The following PHACTR2 variants were observed in gnomAD, a reference collection of about 807,000 sequenced individuals.
PHACTR2 encodes phosphatase and actin regulator 2, also known as chromosome 6 open reading frame 56.
A neutral mutation model predicts 76.0 loss-of-function variants in PHACTR2; 30 were observed. The observed-to-expected ratio is 0.39, with a 90% confidence interval of 0.30 to 0.54. PHACTR2 has a LOEUF of 0.54. Ranked by LOEUF, PHACTR2 falls within the 20% of genes least tolerant of loss-of-function variation. The pLI, the probability that PHACTR2 is intolerant of heterozygous loss-of-function variation, is 0.61. For synonymous variants in PHACTR2, 292 were observed against 292.5 expected (o/e 1.00, Z 0.02); for missense variants, 696 against 781.1 (o/e 0.89, Z 1.30).
chr6:143,691,687 C>T (rs1046599340), intron 1 of PHACTR2, among the ~76,000 whole-genome samples: 1 of 152,184 alleles, frequency 6.6e-6, no homozygotes, highest in Non-Finnish European at 1.5e-5. Flanking sequence ...CTGTGAACTT[C>T]ATCTGGGGTT....
In PHACTR2 at chr6:143,647,084, T is replaced by A. The variant is rs1776672585; in HGVS notation, c.13+38762T>A. Among the ~76,000 whole-genome samples, 1 of 152,230 alleles carries A rather than the reference T, an allele frequency of 6.6e-6. No homozygotes were observed. Among genetic ancestry groups the A allele is most frequent in the Non-Finnish European group, 1.5e-5 (1 of 68,030 alleles). On this transcript the variant is annotated intron_variant, in intron 1 of 11. Transcript: ENST00000305766. This position sits in a 1 kb window ranked among gnomAD's most constrained non-coding sequence, Gnocchi z 4.2. Reference sequence around the variant, plus strand: ...GGGTAAAAAGCACAAACCAGAATTATGCTAGATCTCCATTAAGATATAAAA... The same window carrying A: ...GGGTAAAAAGCACAAACCAGAATTAAGCTAGATCTCCATTAAGATATAAAA...
At chr6:143,609,396 G>A (rs958277072) in intron 1 of PHACTR2, among the ~76,000 whole-genome samples, 1 of 144,430 alleles carries the variant, frequency 6.9e-6, no homozygotes, top group Non-Finnish European at 1.6e-5. Flanking sequence ...TTGAAATAAA[G>A]TGGAACAGTA....
chr6:143,674,815 A>G (rs1200116372), upstream of PHACTR2, among the ~76,000 whole-genome samples: 7 of 152,212 alleles, frequency 4.6e-5, no homozygotes, highest in Admixed American at 4.6e-4. This position sits in a 1 kb window ranked among gnomAD's most constrained non-coding sequence, Gnocchi z 4.9. Context: ...AACCTAAGTT[A>G]TAGGATTTGG....
chr6:143,566,149 A>G (rs1775359596), intron 1 of PHACTR2, among the ~76,000 whole-genome samples: 1 of 151,906 alleles, frequency 6.6e-6, no homozygotes, highest in African/African-American at 2.4e-5. Flanking sequence ...TTTTTTGTAG[A>G]GATGGCATCT....
Position 143,825,802 on chromosome 6 carries a change from T to C in PHACTR2, c.*2113T>C, listed in dbSNP as rs903243871. The C allele has an allele frequency of 3.9e-5, 6 of 152,200 alleles. No individual in the cohort carries two copies. The highest frequency in any genetic ancestry group is 1.4e-4 in the African/African-American group (6 of 41,466). The allele number at this position is 152,200 out of a possible 1,614,324, so 9.4% of individuals were successfully genotyped here. On this transcript the variant is annotated 3_prime_UTR_variant, in exon 13 of 13. Coordinates refer to ENST00000440869, the MANE Select transcript of PHACTR2 (RefSeq NM_001100164.2). The surrounding 1 kb of genome is among the most constrained non-coding windows in gnomAD (Gnocchi z 4.1). The stretch of plus-strand genomic sequence containing the variant: ...ATGGTAAATGTAAGACATCACCATT[T>C]TATCACTCAAAGTATGTTATTGAAA...
chr6:143,779,164 G>C (rs1053948895), intron 9 of PHACTR2, among the ~76,000 whole-genome samples: 5 of 152,176 alleles, frequency 3.3e-5, no homozygotes, highest in Admixed American at 6.5e-5. Flanking sequence ...TCCCTGAGCA[G>C]TCACAGGAAA....
rs78913615 is a variant in PHACTR2 at position 143,753,248 on chromosome 6, C to A, written c.296-506C>A. Among the ~76,000 whole-genome samples, 72 of 152,246 alleles carry A rather than the reference C, an allele frequency of 4.7e-4. 1 individual carries two copies. The East Asian group carries it at 0.013, about 29-fold the overall frequency. On this transcript the variant is annotated intron_variant, in intron 3 of 12. Transcript: ENST00000440869. The surrounding 1 kb of genome is among the most constrained non-coding windows in gnomAD (Gnocchi z 4.6). The stretch of plus-strand genomic sequence containing the variant: ...ATATTACTGTGTGAAGTTAGCACAT[C>A]ATATACTTAATATATTCTGGAACCA...
At chr6:143,704,563 C>T (rs891010202) in intron 1 of PHACTR2, among the ~76,000 whole-genome samples, 3 of 152,088 alleles carry the variant, frequency 2.0e-5, no homozygotes, top group South Asian at 2.1e-4. Context: ...GTTTTAGATT[C>T]GCAGAAAAGC....
Position 143,749,023 on chromosome 6 carries a change from G to A in PHACTR2, c.253G>A (p.Glu85Lys), listed in dbSNP as rs367971984. Residue 85 changes from glutamate to lysine, a missense_variant, in exon 3 of 13, where the codon GAG becomes AAG. Coordinates refer to ENST00000440869, the MANE Select transcript of PHACTR2 (RefSeq NM_001100164.2). ...GATATCCACACGACAAAGTAGAGAG[G>A]AGCTGATAAGAAGGGGAGTGCTTAA... Reference protein sequence around the residue: ...RKISTRQSREELIRRGVLKEL... With the variant: ...RKISTRQSREKLIRRGVLKEL... The A allele has an allele frequency of 1.3e-6, 2 of 1,590,498 alleles. No homozygotes were observed. Among genetic ancestry groups the A allele is most frequent in the African/African-American group, 1.3e-5 (1 of 74,442 alleles).
At chr6:143,797,606 G>A (rs143711594) in intron 11 of PHACTR2, among the ~76,000 whole-genome samples, 22 of 152,242 alleles carry the variant, frequency 1.4e-4, no homozygotes, top group African/African-American at 5.1e-4. Context: ...GTAAGGAAGG[G>A]GTCCAGTTCC....
chr6:143,804,715 T>C (rs964736153), intron 11 of PHACTR2, among the ~76,000 whole-genome samples: 5 of 152,252 alleles, frequency 3.3e-5, no homozygotes, highest in Admixed American at 6.5e-5. Context: ...TTTGCCATAC[T>C]CTTAGATCAG....
intron 11 of PHACTR2, among the ~76,000 whole-genome samples, chr6:143,799,442 TGTTCTTGCTTCTCCA>T (rs1364368463): frequency 3.3e-5 from 5 of 152,250 alleles, no homozygotes; most frequent in Non-Finnish European, 7.3e-5. Flanking sequence ...TGAATGTGTT[TGTTCTTGCTTCTCCA>T]GTTCTTTTAA....
rs949212662 is a variant in PHACTR2, at chr6:143,739,163, C to T, written c.215-9822C>T. Among the ~76,000 whole-genome samples, 4 of 152,170 alleles carry T rather than the reference C, an allele frequency of 2.6e-5. No homozygotes were observed. Among genetic ancestry groups the T allele is most frequent in the African/African-American group, 7.2e-5 (3 of 41,440 alleles). ...CACTGCAAGCTCCGCCTCCCGGGTTCACTCCGTTCTCCTGCCTCAGCCTCC... is the reference window on the plus strand; with the variant it reads ...CACTGCAAGCTCCGCCTCCCGGGTTTACTCCGTTCTCCTGCCTCAGCCTCC... On this transcript the variant is annotated intron_variant, in intron 2 of 12. Coordinates refer to ENST00000440869, the MANE Select transcript of PHACTR2 (RefSeq NM_001100164.2). This position sits in a 1 kb window ranked among gnomAD's most constrained non-coding sequence, Gnocchi z 4.3.
At position 143,610,133 on chromosome 6, in the gene PHACTR2, T is replaced by C. The variant is rs144708740; in HGVS notation, c.13+1811T>C. On this transcript the variant is annotated intron_variant, in intron 1 of 11. Transcript: ENST00000305766. The surrounding 1 kb of genome is among the most constrained non-coding windows in gnomAD (Gnocchi z 4.9). ...GCATGTTTCTTATAATGGCTTATAATTGGCTGTCAGTGATCACTTTTCATG... is the reference window on the plus strand; with the variant it reads ...GCATGTTTCTTATAATGGCTTATAACTGGCTGTCAGTGATCACTTTTCATG... Among the ~76,000 whole-genome samples the C allele has an allele frequency of 4.0e-4, 61 of 152,326 alleles. No homozygotes were observed. The East Asian group carries it at 4.0e-3, about 10-fold the overall frequency.
chr6:143,646,899 A>AACATACTTCTGTTATGTTAG lies in PHACTR2; in HGVS notation c.13+38582_13+38583insCTTCTGTTATGTTAGACATA, dbSNP rs1776668238. Among the ~76,000 whole-genome samples the AACATACTTCTGTTATGTTAG allele has an allele frequency of 6.6e-6, 1 of 152,220 alleles. No homozygotes were observed. Among genetic ancestry groups the AACATACTTCTGTTATGTTAG allele is most frequent in the African/African-American group, 2.4e-5 (1 of 41,458 alleles). ...CATCCTTAGTTATGTTTGTTGTTCT[A>AACATACTTCTGTTATGTTAG]ACATAACAGTCTTCTGATCACGATG... is the stretch of plus-strand genomic sequence containing the variant. On this transcript the variant is annotated intron_variant, in intron 1 of 11. Transcript: ENST00000305766. The surrounding 1 kb of genome is among the most constrained non-coding windows in gnomAD (Gnocchi z 4.1).
chr6:143,640,351 C>A (rs1046512309), intron 1 of PHACTR2, among the ~76,000 whole-genome samples: 4 of 152,118 alleles, frequency 2.6e-5, no homozygotes, highest in African/African-American at 9.7e-5. Context: ...GAAGAAGACA[C>A]AAAAGATGGA....
At chr6:143,808,952 T>C (rs9386049) in intron 12 of PHACTR2, among the ~76,000 whole-genome samples, 25,521 of 152,174 alleles carry the variant, frequency 0.17, 2,208 homozygotes, top group Non-Finnish European at 0.2. Flanking sequence ...GTAAAGTTGA[T>C]TATTAAAAGG....
rs1294488029 is a variant in PHACTR2, at chr6:143,562,622, A to C, written c.217+25415A>C. Among the ~76,000 whole-genome samples, 17 of 152,168 alleles carry C rather than the reference A, an allele frequency of 1.1e-4. No individual in the cohort carries two copies. Among genetic ancestry groups the C allele is most frequent in the Admixed American group, 1.1e-3 (17 of 15,272 alleles). On this transcript the variant is annotated intron_variant, in intron 1 of 11. Transcript: ENST00000367584. The surrounding 1 kb of genome is among the most constrained non-coding windows in gnomAD (Gnocchi z 5.1). ...CCTCTCCAGTGTGACTCTGAGTTTC[A>C]AGGGTAATAATCCTGTCTTAAAATT... is the stretch of plus-strand genomic sequence containing the variant.
intron 2 of PHACTR2, among the ~76,000 whole-genome samples, chr6:143,726,772 A>G (rs1012385321): frequency 6.6e-6 from 1 of 152,150 alleles, no homozygotes; most frequent in African/African-American, 2.4e-5. Flanking sequence ...GTATTTTGTC[A>G]TGGTTTTAAT....
Sources: gnomAD v4.1 joint callset for allele counts (sites outside exome capture counted in the v4.1 genomes callset) on GRCh38, gnomAD v4.1.1 for gene constraint, Gnocchi (gnomAD v3.1) non-coding constraint, MANE v1.5 for transcripts, NCBI Gene and HGNC (gene_info 2026-07-23, HGNC 2026-07-21) for gene names.